The following NGLY1 variants were observed in gnomAD, a reference collection of about 807,000 sequenced individuals.
NGLY1 encodes peptide-N(4)-(N-acetyl-beta-glucosaminyl)asparagine amidase.
A neutral mutation model predicts 84.6 loss-of-function variants in NGLY1; 68 were observed. The observed-to-expected ratio is 0.80, with a 90% CI of 0.66 to 0.98. The LOEUF (loss-of-function observed/expected upper bound fraction) is 0.98, where lower values mean the gene tolerates loss of function less well. NGLY1 is among the 50% of genes least tolerant of loss of function. The pLI is 0.00. For synonymous variants in NGLY1, 280 were observed against 275.2 expected (o/e 1.02, Z -0.17); for missense variants, 779 against 770.2 (o/e 1.01, Z -0.14).
intron 10 of NGLY1, among the ~76,000 whole-genome samples, chr3:25,723,233 A>G (rs1705094140): frequency 6.6e-6 from 1 of 152,226 alleles, no homozygotes; most frequent in African/African-American, 2.4e-5. Flanking sequence ...AACATGTCTG[A>G]CAGCATTTAT....
At chr3:25,743,107 C>G (rs1706236745) in intron 4 of NGLY1, among the ~76,000 whole-genome samples, 1 of 151,988 alleles carries the variant, frequency 6.6e-6, no homozygotes, top group South Asian at 2.1e-4. Flanking sequence ...CAGCCACAAA[C>G]CAAGGACTGC....
chr3:25,776,504 T>A (rs769826866), intron 2 of NGLY1, among the ~76,000 whole-genome samples: 12 of 152,240 alleles, frequency 7.9e-5, no homozygotes, highest in Non-Finnish European at 1.3e-4. Flanking sequence ...GATGACACCA[T>A]AATTTATATC....
chr3:25,719,338 G>A lies in NGLY1; in HGVS notation c.*122C>T. ...TAATTTTCATGAGGGTTACATGATG[G>A]ATAGCTAGCAAAAGAAATATGCTAG... On this transcript the variant is annotated 3_prime_UTR_variant, in exon 12 of 12. Coordinates refer to ENST00000280700, the MANE Select transcript of NGLY1 (RefSeq NM_018297.4). 1 of 670,104 alleles carries A rather than the reference G, an allele frequency of 1.5e-6. No homozygotes were observed. Among genetic ancestry groups the A allele is most frequent in the Admixed American group, 2.9e-5 (1 of 34,958 alleles). The allele number at this position is 670,104 out of a possible 1,614,324, so 41.5% of individuals were successfully genotyped here.
chr3:25,740,179 G>A (rs1706059874), intron 4 of NGLY1, among the ~76,000 whole-genome samples: 1 of 152,254 alleles, frequency 6.6e-6, no homozygotes, highest in Admixed American at 6.5e-5. Flanking sequence ...CATTGAATTT[G>A]TTATCAGGTA....
At chr3:25,742,779 A>T (rs1454477238) in intron 4 of NGLY1, among the ~76,000 whole-genome samples, 1 of 149,488 alleles carries the variant, frequency 6.7e-6, no homozygotes, top group African/African-American at 2.5e-5. Context: ...CAAAGTCCCA[A>T]CTCTTGTTCT....
At chr3:25,736,417 T>C (rs1345201514) in intron 6 of NGLY1, 1 of 1,527,172 alleles carries the variant, frequency 6.5e-7, no homozygotes, top group Non-Finnish European at 8.9e-7. Context: ...AAGGTAGACA[T>C]ATTAAAGAGC....
rs755505748 is a variant in NGLY1 at position 25,729,315 on chromosome 3, T to C, written c.1429A>G (p.Lys477Glu). The change falls in exon 10 of 12, where the codon AAA becomes GAA. Residue 477 changes from lysine (K) to glutamate (E), a missense_variant. By Grantham distance (56) the Lys-to-Glu change is moderately conservative. Coordinates refer to ENST00000280700, the MANE Select transcript of NGLY1 (RefSeq NM_018297.4). ...VARGEMGLQR[K>E]ETLFIPCENE... The stretch of plus-strand genomic sequence containing the variant: ...TCACAGGGAATAAACAAGGTTTCTT[T>C]TCTCTTAAAAAGAAAGCAGAATTAG... 1.2e-5 allele frequency: 16 copies of C among 1,380,492 alleles called. No homozygotes were observed. Among genetic ancestry groups the C allele is most frequent in the Non-Finnish European group, 1.5e-5 (16 of 1,053,642 alleles). 85.5% of individuals were successfully genotyped at this position (1,380,492 alleles called of 1,614,324 possible).
upstream of NGLY1, among the ~76,000 whole-genome samples, chr3:25,783,777 G>A (rs992197986): frequency 1.3e-5 from 2 of 152,146 alleles, no homozygotes; most frequent in Admixed American, 1.3e-4. The surrounding 1 kb of genome is among the most constrained non-coding windows in gnomAD (Gnocchi z 4.5). Context: ...GTACAGGTTG[G>A]GAAGGGGTTC....
chr3:25,732,555 T>C, intron 8 of NGLY1, 72 bp from the exon 9 acceptor site: 1 of 1,075,786 alleles, frequency 9.3e-7, no homozygotes, highest in East Asian at 2.5e-5. Flanking sequence ...AGCAAGAATA[T>C]ACTTAAAACA....
intron 4 of NGLY1, among the ~76,000 whole-genome samples, chr3:25,740,028 C>T (rs990596321): frequency 6.6e-6 from 1 of 152,142 alleles, no homozygotes; most frequent in Non-Finnish European, 1.5e-5. Context: ...CATTTTATAT[C>T]CTCTAACTGA....
At position 25,777,531 on chromosome 3, in the gene NGLY1, G is replaced by C. The variant is rs150259933; in HGVS notation, c.246+1043C>G. Among the ~76,000 whole-genome samples the C allele has an allele frequency of 2.3e-3, 356 of 151,926 alleles. 2 individuals are homozygous for C. Among genetic ancestry groups the C allele is most frequent in the African/African-American group, 7.9e-3 (329 of 41,432 alleles). On this transcript the variant is annotated intron_variant, in intron 2 of 11. Transcript: ENST00000280700. ...CCTATGCAGCTTATTTCTGTTTCAC[G>C]GTTACTTCTGCTGGAAATCCTTTAC... is the stretch of plus-strand genomic sequence containing the variant.
rs1708390903 is a variant in NGLY1 at position 25,781,015 on chromosome 3, C to T, written c.131+2245G>A. On this transcript the variant is annotated intron_variant, in intron 1 of 11. Coordinates refer to ENST00000280700, the MANE Select transcript of NGLY1 (RefSeq NM_018297.4). ...TTTGAGAAAGGTCTCACTTCGCCAT[C>T]AAAGCTAGAATGCAGTGGCATGATT... 2.0e-5 allele frequency among the ~76,000 whole-genome samples: 3 copies of T among 151,974 alleles called. No homozygotes were observed. The South Asian group carries it at 6.2e-4, about 32-fold the overall frequency.
intron 8 of NGLY1, among the ~76,000 whole-genome samples, chr3:25,732,700 T>C (rs939017219): frequency 2.0e-5 from 3 of 152,204 alleles, no homozygotes; most frequent in Non-Finnish European, 4.4e-5. Flanking sequence ...TTAACACCTA[T>C]TTCCAACTCT....
At chr3:25,768,972 A>G (rs1375350060) in intron 2 of NGLY1, among the ~76,000 whole-genome samples, 1 of 152,244 alleles carries the variant, frequency 6.6e-6, no homozygotes. Flanking sequence ...GTGAAAGAAA[A>G]TATGTGCAAA....
Position 25,760,276 on chromosome 3 carries a change from ATGTG to A in NGLY1, c.492+3786_492+3789del, listed in dbSNP as rs375044471. On this transcript the variant is annotated intron_variant, in intron 3 of 11. Coordinates refer to ENST00000280700, the MANE Select transcript of NGLY1 (RefSeq NM_018297.4). ...AAAAAATGAACATATATATATATGT[ATGTG>A]TGTGTGTATGTTTCTAATAAGAAAA... Among the ~76,000 whole-genome samples, 8 of 152,162 alleles carry A rather than the reference ATGTG, an allele frequency of 5.3e-5. No individual in the cohort carries two copies. In the South Asian group the frequency reaches 1.7e-3, roughly 32 times the overall value.
At position 25,761,585 on chromosome 3, in the gene NGLY1, C is replaced by T. The variant is rs531997285; in HGVS notation, c.492+2481G>A. On this transcript the variant is annotated intron_variant, in intron 3 of 11. Transcript: ENST00000280700. ...AATGGTTGGTGAGGATACTAAGAAACGGGAAGCCTCACATATTTCTGATGA... is the reference window on the plus strand; with the variant it reads ...AATGGTTGGTGAGGATACTAAGAAATGGGAAGCCTCACATATTTCTGATGA... Among the ~76,000 whole-genome samples, 18 of 152,238 alleles carry T rather than the reference C, an allele frequency of 1.2e-4. No individual in the cohort carries two copies. The South Asian group carries it at 3.5e-3, about 30-fold the overall frequency.
chr3:25,766,937 CTGT>C (rs1707607735), intron 2 of NGLY1, among the ~76,000 whole-genome samples: 1 of 152,134 alleles, frequency 6.6e-6, no homozygotes, highest in Non-Finnish European at 1.5e-5. Flanking sequence ...ACCAACAGCA[CTGT>C]TATTTTCATA....
chr3:25,761,704 G>A (rs1276655170), intron 3 of NGLY1, among the ~76,000 whole-genome samples: 1 of 151,996 alleles, frequency 6.6e-6, no homozygotes, highest in Non-Finnish European at 1.5e-5. Context: ...TCCACTCCTA[G>A]GAATCTACTC....
At chr3:25,725,660 T>G (rs1705214433) in intron 10 of NGLY1, among the ~76,000 whole-genome samples, 1 of 152,166 alleles carries the variant, frequency 6.6e-6, no homozygotes, top group Admixed American at 6.5e-5. Flanking sequence ...CTGGTTCTGC[T>G]GCAGAATTGC....
Sources: allele counts gnomAD v4.1 joint callset (sites outside exome capture counted in the v4.1 genomes callset), GRCh38; gene constraint gnomAD v4.1.1; non-coding constraint Gnocchi (gnomAD v3.1); transcripts MANE v1.5; gene names NCBI Gene and HGNC (gene_info 2026-07-23, HGNC 2026-07-21).